ADGRL3: variants seen among roughly 807,000 people sequenced by gnomAD.
The protein encoded by ADGRL3 is adhesion G protein-coupled receptor L3, also known as calcium-independent alpha-latrotoxin receptor 3.
Under a neutral mutation model 153.5 loss-of-function variants are expected in ADGRL3, and 62 were observed. The observed-to-expected ratio is 0.40, with a 90% CI of 0.33 to 0.50. The LOEUF is 0.50. Ranked by LOEUF, ADGRL3 falls within the 20% of genes least tolerant of loss-of-function variation. The pLI is 0.47. For synonymous variants in ADGRL3, 710 were observed against 672.5 expected (o/e 1.06, Z -0.86); for missense variants, 1,641 against 1,859.4 (o/e 0.88, Z 2.16).
chr4:61,280,383 A>C (rs2093674400), intron 1 of ADGRL3, among the ~76,000 whole-genome samples: 1 of 150,966 alleles, frequency 6.6e-6, no homozygotes, highest in Non-Finnish European at 1.5e-5. Context: ...CTGGGATTTC[A>C]GGCATGAGCC....
intron 3 of ADGRL3, among the ~76,000 whole-genome samples, chr4:61,506,389 T>C (rs763187791): frequency 6.6e-6 from 1 of 152,102 alleles, no homozygotes; most frequent in Non-Finnish European, 1.5e-5. Flanking sequence ...AAAGACTGCA[T>C]TGTATATTCT....
intron 1 of ADGRL3, among the ~76,000 whole-genome samples, chr4:61,340,115 G>T (rs1056454398): frequency 5.3e-5 from 8 of 152,152 alleles, no homozygotes; most frequent in Admixed American, 5.2e-4. Context: ...TATTTTGGCA[G>T]CTGTGATGTG....
chr4:61,768,445 G>T (rs532271585), intron 8 of ADGRL3, among the ~76,000 whole-genome samples: 22 of 151,980 alleles, frequency 1.4e-4, no homozygotes, highest in Non-Finnish European at 2.9e-4. Flanking sequence ...AGGAAGATTT[G>T]GGACGAGTTG....
At position 61,587,435 on chromosome 4, in the gene ADGRL3, T is replaced by A; in HGVS notation, c.468T>A (p.Ser156=). The A allele has an allele frequency of 6.2e-7, 1 of 1,606,348 alleles. No individual in the cohort carries two copies. The highest frequency in any genetic ancestry group is 8.5e-7 in the Non-Finnish European group (1 of 1,173,824). The change falls in exon 5 of 27, where the codon TCT becomes TCA. Residue 156 remains serine, a synonymous_variant. Transcript: ENST00000683033. ...TGCCAGATGCCTATAAGATTATGTC[T>A]CAAAGGTATGATACTTCTAATATTC... ...CYLPDAYKIM[S]QRCNNRTQCA...
chr4:61,256,213 A>C (rs2149499354), intron 1 of ADGRL3, among the ~76,000 whole-genome samples: 1 of 152,298 alleles, frequency 6.6e-6, no homozygotes, highest in South Asian at 2.1e-4. Context: ...TCTTTACAGA[A>C]AATTCTGAGA....
intron 2 of ADGRL3, among the ~76,000 whole-genome samples, chr4:61,487,440 C>G (rs2152763285): frequency 6.6e-6 from 1 of 152,138 alleles, no homozygotes; most frequent in African/African-American, 2.4e-5. Flanking sequence ...ACAGTAAGGG[C>G]TTAATAAATG....
chr4:61,835,564 A>G (rs1465065208), intron 9 of ADGRL3, among the ~76,000 whole-genome samples: 2 of 152,162 alleles, frequency 1.3e-5, no homozygotes, highest in Non-Finnish European at 2.9e-5. Context: ...CTTTAGCCAC[A>G]TCAAGTAGCC....
intron 1 of ADGRL3, among the ~76,000 whole-genome samples, chr4:61,294,986 G>A (rs185356658): frequency 7.7e-4 from 117 of 151,848 alleles, no homozygotes; most frequent in African/African-American, 2.6e-3. Flanking sequence ...GTTACCTGAG[G>A]TTAGCCATGG....
At position 62,030,852 on chromosome 4, in the gene ADGRL3, T is replaced by C. The variant is rs539737090; in HGVS notation, c.3423-590T>C. ...ATGTTTCCGATAGAGTGGAACTACT[T>C]TTTCCATCTACTATCCCTCACGCTT... On this transcript the variant is annotated intron_variant, in intron 22 of 26. Transcript: ENST00000683033. Among the ~76,000 whole-genome samples the C allele has an allele frequency of 8.9e-4, 135 of 151,608 alleles. 2 individuals carry two copies. Among genetic ancestry groups the C allele is most frequent in the Non-Finnish European group, 7.1e-4 (48 of 67,606 alleles).
At chr4:61,813,758 G>A (rs1234141900) in intron 8 of ADGRL3, 51 bp from the exon 9 acceptor site, 2 of 1,598,272 alleles carry the variant, frequency 1.3e-6, no homozygotes, top group Admixed American at 3.4e-5. Context: ...ATTTAAAAAG[G>A]GAAAAGACAT....
intron 13 of ADGRL3, among the ~76,000 whole-genome samples, chr4:61,931,993 A>T (rs2150110558): frequency 6.6e-6 from 1 of 151,032 alleles, no homozygotes; most frequent in East Asian, 1.9e-4. Context: ...TCATTAGTTT[A>T]TATATATATA....
chr4:61,256,293 A>C (rs2149500374), intron 1 of ADGRL3, among the ~76,000 whole-genome samples: 1 of 152,214 alleles, frequency 6.6e-6, no homozygotes, highest in East Asian at 1.9e-4. Flanking sequence ...TTACACCATT[A>C]ATCTCAAAAT....
intron 1 of ADGRL3, among the ~76,000 whole-genome samples, chr4:61,328,119 T>G (rs867154970): frequency 6.6e-6 from 1 of 152,122 alleles, no homozygotes; most frequent in South Asian, 2.1e-4. Context: ...TATTCCAAAC[T>G]GGGTTGCTTC....
At chr4:61,825,341 G>A (rs1375966372) in intron 9 of ADGRL3, among the ~76,000 whole-genome samples, 1 of 152,074 alleles carries the variant, frequency 6.6e-6, no homozygotes, top group Non-Finnish European at 1.5e-5. Flanking sequence ...TATTATATGT[G>A]AAAATGCTTT....
intron 9 of ADGRL3, among the ~76,000 whole-genome samples, chr4:61,891,801 G>A (rs1168415601): frequency 6.6e-6 from 1 of 152,132 alleles, no homozygotes; most frequent in East Asian, 1.9e-4. Context: ...GGAAGGACAA[G>A]CATACTCTTG....
chr4:61,928,105 A>C (rs1033687110), intron 13 of ADGRL3, among the ~76,000 whole-genome samples: 2 of 151,722 alleles, frequency 1.3e-5, no homozygotes, highest in African/African-American at 2.4e-5. Flanking sequence ...CTAAGGAAAT[A>C]ATGCATTCAG....
At chr4:61,796,964 T>C (rs1580870108) in intron 8 of ADGRL3, among the ~76,000 whole-genome samples, 1 of 152,314 alleles carries the variant, frequency 6.6e-6, no homozygotes, top group East Asian at 1.9e-4. Flanking sequence ...GTTTTCCCCT[T>C]ATCTTTAGCA....
At chr4:61,320,524 G>C (rs1480413706) in intron 1 of ADGRL3, among the ~76,000 whole-genome samples, 3 of 152,128 alleles carry the variant, frequency 2.0e-5, no homozygotes, top group Non-Finnish European at 4.4e-5. Context: ...TGAATTTGAA[G>C]GCTGGTAAAC....
intron 1 of ADGRL3, among the ~76,000 whole-genome samples, chr4:61,372,380 G>T (rs1486221996): frequency 6.6e-6 from 1 of 151,838 alleles, no homozygotes; most frequent in Non-Finnish European, 1.5e-5. Context: ...TTTGGTCTTT[G>T]ATGATGGTGA....
Sources: allele counts gnomAD v4.1 joint callset (sites outside exome capture counted in the v4.1 genomes callset), GRCh38; gene constraint gnomAD v4.1.1; transcripts MANE v1.5; gene names NCBI Gene and HGNC (gene_info 2026-07-23, HGNC 2026-07-21).